The following CCDC91 variants were observed in gnomAD, a reference collection of about 807,000 sequenced individuals.
CCDC91 encodes the protein coiled-coil domain-containing protein 91.
Under a neutral mutation model 63.2 loss-of-function variants are expected in CCDC91, and 48 were observed. The observed-to-expected ratio is 0.76, with a 90% confidence interval of 0.60 to 0.97. CCDC91 has a LOEUF of 0.97. Among genes scored for constraint, CCDC91 ranks in the 50% least tolerant of loss-of-function variants. The pLI, the probability that CCDC91 is intolerant of heterozygous loss-of-function variation, is 0.00. For synonymous variants in CCDC91, 167 were observed against 165.8 expected (o/e 1.01, Z -0.06); for missense variants, 500 against 494.6 (o/e 1.01, Z -0.10).
At chr12:28,539,473 T>G (rs1486224613) in intron 12 of CCDC91, among the ~76,000 whole-genome samples, 1 of 152,178 alleles carries the variant, frequency 6.6e-6, no homozygotes, top group Non-Finnish European at 1.5e-5. Flanking sequence ...TATATCTCTG[T>G]TTTGGTACCA....
intron 3 of CCDC91, among the ~76,000 whole-genome samples, chr12:28,291,281 G>A (rs1360932448): frequency 6.6e-6 from 1 of 152,186 alleles, no homozygotes; most frequent in Non-Finnish European, 1.5e-5. Context: ...AGCGGTAGTT[G>A]GTTGGCAAGA....
intron 7 of CCDC91, among the ~76,000 whole-genome samples, chr12:28,363,399 A>G (rs1944030422): frequency 6.6e-6 from 1 of 152,186 alleles, no homozygotes; most frequent in African/African-American, 2.4e-5. Flanking sequence ...CAGTATAAAT[A>G]TACCATAATT....
intron 12 of CCDC91, among the ~76,000 whole-genome samples, chr12:28,523,423 C>T (rs965751867): frequency 1.3e-5 from 2 of 151,974 alleles, no homozygotes; most frequent in Non-Finnish European, 2.9e-5. Context: ...TTTCCATTTG[C>T]CTGGTAGATC....
At chr12:28,428,336 C>T (rs543933281) in intron 8 of CCDC91, among the ~76,000 whole-genome samples, 69 of 151,890 alleles carry the variant, frequency 4.5e-4, no homozygotes, top group African/African-American at 1.6e-3. Flanking sequence ...TTTGGGAGGC[C>T]GAGGCGGGCA....
At chr12:28,540,617 C>A (rs1942559729) in intron 12 of CCDC91, among the ~76,000 whole-genome samples, 1 of 152,136 alleles carries the variant, frequency 6.6e-6, no homozygotes, top group Non-Finnish European at 1.5e-5. Context: ...CAAGTCATAA[C>A]TTCGCTAAGC....
intron 11 of CCDC91, among the ~76,000 whole-genome samples, chr12:28,456,735 A>G (rs1268897067): frequency 1.3e-5 from 2 of 152,230 alleles, no homozygotes; most frequent in Non-Finnish European, 1.5e-5. Context: ...GTTAAGTTTC[A>G]TGGGGTTAAA....
chr12:28,312,168 A>G (rs866885047), intron 6 of CCDC91, among the ~76,000 whole-genome samples: 1 of 152,046 alleles, frequency 6.6e-6, no homozygotes, highest in African/African-American at 2.4e-5. Flanking sequence ...GTTAAAATAC[A>G]TTAATTTGAA....
intron 7 of CCDC91, among the ~76,000 whole-genome samples, chr12:28,390,146 A>T (rs1945843315): frequency 6.6e-6 from 1 of 151,976 alleles, no homozygotes; most frequent in Non-Finnish European, 1.5e-5. Flanking sequence ...TGCACAAGAA[A>T]GTTAGTTTGA....
At chr12:28,546,270 A>G (rs1373051567) in intron 12 of CCDC91, among the ~76,000 whole-genome samples, 2 of 152,094 alleles carry the variant, frequency 1.3e-5, no homozygotes, top group Non-Finnish European at 2.9e-5. Flanking sequence ...GCCTATGATA[A>G]AAGAGTTATG....
At chr12:28,383,448 T>C (rs1200411065) in intron 7 of CCDC91, among the ~76,000 whole-genome samples, 1 of 152,148 alleles carries the variant, frequency 6.6e-6, no homozygotes, top group Non-Finnish European at 1.5e-5. Context: ...AGAACTTGTT[T>C]GTTTCTTAAT....
In CCDC91 at chr12:28,403,549, A is replaced by C. The variant is rs184985274; in HGVS notation, c.762+12138A>C. ...GACCCCATATCTCTGGGGTCTCTTT[A>C]ATAAGGGTACTAATCACCTAACTTT... is the stretch of plus-strand genomic sequence containing the variant. On this transcript the variant is annotated intron_variant, in intron 8 of 12. Transcript: ENST00000536442. Among the ~76,000 whole-genome samples the C allele has an allele frequency of 2.7e-3, 405 of 152,122 alleles. 2 individuals are homozygous for C. The highest frequency in any genetic ancestry group is 8.8e-3 in the African/African-American group (367 of 41,502).
At chr12:28,202,081 T>G (rs1468011095) in intron 1 of CCDC91, among the ~76,000 whole-genome samples, 1 of 152,194 alleles carries the variant, frequency 6.6e-6, no homozygotes, top group African/African-American at 2.4e-5. Context: ...ATTATACTTT[T>G]TAATTCCACA....
At chr12:28,353,644 T>G (rs115138073) in intron 6 of CCDC91, among the ~76,000 whole-genome samples, 1,621 of 152,286 alleles carry the variant, frequency 0.011, 36 homozygotes, top group African/African-American at 0.037. Context: ...ATGGCTGGTT[T>G]TTCAGTCGAA....
Position 28,267,824 on chromosome 12 carries a change from T to TATG in CCDC91, c.109+8382_109+8383insATG, listed in dbSNP as rs1565699921. Among the ~76,000 whole-genome samples the TATG allele has an allele frequency of 1.6e-4, 5 of 30,842 alleles. No individual in the cohort carries two copies. The East Asian group carries it at 3.1e-3, about 19-fold the overall frequency. 20.2% of individuals were successfully genotyped at this position (30,842 alleles called of 152,430 possible). On this transcript the variant is annotated intron_variant, in intron 3 of 12. Transcript: ENST00000536442. ...TATATAGTAATATATAATTATATTA[T>TATG]TAATATATAATTATATATAATTATA...
intron 3 of CCDC91, among the ~76,000 whole-genome samples, chr12:28,296,188 ATTTATATTTATG>A (rs1482712914): frequency 2.6e-5 from 4 of 151,616 alleles, no homozygotes; most frequent in African/African-American, 9.6e-5. Context: ...AAAAAGTTAC[ATTTATATTTATG>A]TTTATATTAT....
At chr12:28,337,957 A>C (rs1942113356) in intron 6 of CCDC91, among the ~76,000 whole-genome samples, 1 of 152,146 alleles carries the variant, frequency 6.6e-6, no homozygotes, top group Admixed American at 6.5e-5. Context: ...AATTTAATGC[A>C]TCATTAATAA....
At chr12:28,445,170 T>G (rs1949434603) in intron 8 of CCDC91, among the ~76,000 whole-genome samples, 1 of 152,174 alleles carries the variant, frequency 6.6e-6, no homozygotes, top group South Asian at 2.1e-4. Context: ...GAGTGATAAT[T>G]TAGTTGACAT....
At chr12:28,390,273 A>G (rs755678039) in intron 7 of CCDC91, among the ~76,000 whole-genome samples, 1 of 152,092 alleles carries the variant, frequency 6.6e-6, no homozygotes, top group South Asian at 2.1e-4. Context: ...ATCTGTATTC[A>G]TAACAGAGAT....
At chr12:28,290,631 G>C (rs897298526) in intron 3 of CCDC91, among the ~76,000 whole-genome samples, 2 of 152,164 alleles carry the variant, frequency 1.3e-5, no homozygotes, top group African/African-American at 4.8e-5. Flanking sequence ...GTGTGTTTTT[G>C]TAGTGGCTGG....
Sources: gnomAD v4.1 joint callset for allele counts (sites outside exome capture counted in the v4.1 genomes callset) on GRCh38, gnomAD v4.1.1 for gene constraint, MANE v1.5 for transcripts, NCBI Gene and HGNC (gene_info 2026-07-23, HGNC 2026-07-21) for gene names.